The following KLHL7 variants were observed in gnomAD, a reference collection of about 807,000 sequenced individuals.
The protein encoded by KLHL7 is kelch-like protein 7.
In KLHL7, 44 loss-of-function variants were observed where a neutral mutation model predicts 67.4. The ratio of observed to expected loss-of-function variants is 0.65; its 90% CI spans 0.51 to 0.84. KLHL7 has a LOEUF of 0.84. KLHL7 is among the 40% of genes least tolerant of loss of function. The probability of loss-of-function intolerance (pLI) is 0.00; values close to 1 mark genes in which losing one functional copy is unlikely to be tolerated. For synonymous variants in KLHL7, 252 were observed against 243.3 expected, an observed-to-expected ratio of 1.04 and a Z score of -0.33; for missense variants, 362 against 718.1, an observed-to-expected ratio of 0.50 and a Z score of 5.67.
chr7:23,128,366 C>T (rs903213635), intron 4 of KLHL7, among the ~76,000 whole-genome samples: 3 of 141,738 alleles, frequency 2.1e-5, no homozygotes, highest in African/African-American at 7.7e-5. Context: ...GTAGGAGTTC[C>T]AGAAGGAACA....
At chr7:23,106,281 C>T in intron 1 of KLHL7, 135 bp downstream of exon 1, 1 of 1,522,124 alleles carries the variant, frequency 6.6e-7, no homozygotes, top group Non-Finnish European at 8.8e-7. Context: ...TCCGTTTTCG[C>T]AGGCGAGCGA....
rs115299152 is a variant in KLHL7 at position 23,117,552 on chromosome 7, G to A, written c.121-6225G>A. Among the ~76,000 whole-genome samples, 349 of 152,242 alleles carry A rather than the reference G, an allele frequency of 2.3e-3. 1 individual carries two copies. The highest frequency in any genetic ancestry group is 7.6e-3 in the African/African-American group (314 of 41,544). On this transcript the variant is annotated intron_variant, in intron 1 of 10. Transcript: ENST00000339077. ...AGCTGTTTGGCCTGACCTGGCATAT[G>A]TTTCCCTTAAGGAAGGCAGTCCCTC...
intron 7 of KLHL7, among the ~76,000 whole-genome samples, chr7:23,165,462 A>G (rs1023397083): frequency 6.6e-6 from 1 of 152,210 alleles, no homozygotes; most frequent in Non-Finnish European, 1.5e-5. Flanking sequence ...AGTTTATTTT[A>G]GAGCCAGAAA....
chr7:23,165,640 G>A (rs1202359533), intron 7 of KLHL7, 58 bp from the exon 8 acceptor site: 10 of 1,583,092 alleles, frequency 6.3e-6, no homozygotes, highest in African/African-American at 1.3e-5. Flanking sequence ...TCTTTGCATT[G>A]TCCTTTTCAG....
At chr7:23,110,648 G>T (rs920378250) in intron 1 of KLHL7, among the ~76,000 whole-genome samples, 15 of 150,860 alleles carry the variant, frequency 9.9e-5, no homozygotes, top group African/African-American at 3.7e-4. Context: ...AAGTTTTAGG[G>T]TACATGTGCA....
intron 1 of KLHL7, among the ~76,000 whole-genome samples, chr7:23,112,501 T>C (rs1476605734): frequency 6.6e-6 from 1 of 152,160 alleles, no homozygotes; most frequent in East Asian, 1.9e-4. Context: ...AATGGGCCTA[T>C]GGAGGAGATA....
At chr7:23,111,302 A>G (rs1380325263) in intron 1 of KLHL7, among the ~76,000 whole-genome samples, 2 of 152,208 alleles carry the variant, frequency 1.3e-5, no homozygotes, top group African/African-American at 4.8e-5. Context: ...GACCTACTTT[A>G]TTATAGAATG....
chr7:23,161,219 A>T (rs775355364), intron 7 of KLHL7, among the ~76,000 whole-genome samples: 1 of 152,226 alleles, frequency 6.6e-6, no homozygotes, highest in Non-Finnish European at 1.5e-5. Flanking sequence ...GTTAGTGAAC[A>T]TCATTTCAGT....
At chr7:23,133,631 A>G (rs1291423748) in intron 4 of KLHL7, among the ~76,000 whole-genome samples, 1 of 152,036 alleles carries the variant, frequency 6.6e-6, no homozygotes, top group Admixed American at 6.6e-5. Flanking sequence ...ACTGGTTTTC[A>G]CCATGTTGGC....
At chr7:23,160,028 T>C (rs936435902) in intron 7 of KLHL7, among the ~76,000 whole-genome samples, 3 of 152,246 alleles carry the variant, frequency 2.0e-5, no homozygotes, top group Admixed American at 2.0e-4. Flanking sequence ...TTCCCCACTT[T>C]GCTTTTCCCT....
chr7:23,157,154 T>A (rs1387225844), intron 7 of KLHL7, among the ~76,000 whole-genome samples: 1 of 152,128 alleles, frequency 6.6e-6, no homozygotes, highest in Non-Finnish European at 1.5e-5. Context: ...TAAAGGAAAA[T>A]GGTGTTACAT....
chr7:23,123,131 A>G (rs188170963), intron 1 of KLHL7, among the ~76,000 whole-genome samples: 5 of 152,324 alleles, frequency 3.3e-5, no homozygotes, highest in Admixed American at 3.3e-4. Context: ...TTATGGTGAT[A>G]CTATTTTGAC....
At chr7:23,166,142 C>T (rs1784998334) in intron 8 of KLHL7, among the ~76,000 whole-genome samples, 1 of 152,052 alleles carries the variant, frequency 6.6e-6, no homozygotes, top group African/African-American at 2.4e-5. Flanking sequence ...ACTTTAGCTT[C>T]CTAGATTAAT....
chr7:23,145,611 G>A (rs955205176), intron 6 of KLHL7, among the ~76,000 whole-genome samples: 4 of 152,132 alleles, frequency 2.6e-5, no homozygotes, highest in African/African-American at 7.2e-5. Flanking sequence ...TTAAAATTGG[G>A]GACCCCCAGA....
At chr7:23,118,072 C>T in intron 1 of KLHL7, 1 of 1,357,812 alleles carries the variant, frequency 7.4e-7, no homozygotes, top group Non-Finnish European at 1.0e-6. Flanking sequence ...AAAGCTAATC[C>T]TCATACAGTG....
At chr7:23,134,652 A>G (rs571956878) in intron 4 of KLHL7, among the ~76,000 whole-genome samples, 1 of 152,172 alleles carries the variant, frequency 6.6e-6, no homozygotes, top group East Asian at 1.9e-4. Flanking sequence ...ATATGTTCAC[A>G]TTTGTATTAC....
At chr7:23,108,737 A>G (rs897823847) in intron 1 of KLHL7, among the ~76,000 whole-genome samples, 3 of 152,256 alleles carry the variant, frequency 2.0e-5, no homozygotes, top group African/African-American at 7.2e-5. Context: ...TCTGCAGCAC[A>G]TCGGCAAAAA....
intron 1 of KLHL7, among the ~76,000 whole-genome samples, chr7:23,121,817 G>A (rs1353721459): frequency 1.3e-5 from 2 of 151,688 alleles, no homozygotes; most frequent in Non-Finnish European, 2.9e-5. Flanking sequence ...CAAGTAGCTG[G>A]GACTACAGGT....
chr7:23,124,557 TG>T, intron 2 of KLHL7, 130 bp from the exon 3 acceptor site: 1 of 710,276 alleles, frequency 1.4e-6, no homozygotes, highest in South Asian at 1.5e-5. Context: ...TTGGGCTTGC[TG>T]GGGCATTTTC....
Sources: allele counts gnomAD v4.1 joint callset (sites outside exome capture counted in the v4.1 genomes callset), GRCh38; gene constraint gnomAD v4.1.1; transcripts MANE v1.5; gene names NCBI Gene and HGNC (gene_info 2026-07-23, HGNC 2026-07-21).